The following SLC5A4 variants were observed in gnomAD, a reference collection of about 807,000 sequenced individuals.
SLC5A4 encodes probable glucose sensor protein SLC5A4.
Under a neutral mutation model 70.3 loss-of-function variants are expected in SLC5A4, and 55 were observed. The observed-to-expected ratio is 0.78, with a 90% confidence interval of 0.63 to 0.98. The LOEUF (loss-of-function observed/expected upper bound fraction) is 0.98, where lower values mean the gene tolerates loss of function less well. Ranked by LOEUF, SLC5A4 falls within the 50% of genes least tolerant of loss-of-function variation. SLC5A4 has a pLI of 0.00. For missense variants in SLC5A4, 735 were observed against 839.2 expected (o/e 0.88, Z 1.53); for synonymous variants, 268 against 305.7 (o/e 0.88, Z 1.29).
At chr22:32,307,512 G>C in the SLC5A4 span, among the ~76,000 whole-genome samples, 1 of 152,188 alleles carries the variant, frequency 6.6e-6, no homozygotes, top group Non-Finnish European at 1.5e-5. Flanking sequence ...CAAGTGGCAG[G>C]CGTTCGGCAA....
rs768043275 is a variant in SLC5A4, at chr22:32,237,243, C to T, written c.664+1G>A. 3.1e-5 allele frequency: 49 copies of T among 1,605,902 alleles called. No individual in the cohort carries two copies. Among genetic ancestry groups the T allele is most frequent in the Non-Finnish European group, 4.0e-5 (47 of 1,175,428 alleles). ...GCACTGCACGCAGGGTCATCACTTA[C>T]CAAACCCCATGAGAATAAAAGAGCC... On this transcript the variant is annotated splice_donor_variant, in intron 7 of 14. Coordinates refer to ENST00000266086, the MANE Select transcript of SLC5A4 (RefSeq NM_014227.3). LOFTEE classifies it high-confidence loss of function.
At chr22:32,232,653 T>G (rs1321710210) in intron 9 of SLC5A4, among the ~76,000 whole-genome samples, 1 of 152,000 alleles carries the variant, frequency 6.6e-6, no homozygotes, top group African/African-American at 2.4e-5. Flanking sequence ...AAGCAACTCA[T>G]GAAGACGGAA....
At chr22:32,303,560 C>T in the SLC5A4 span, among the ~76,000 whole-genome samples, 1 of 151,916 alleles carries the variant, frequency 6.6e-6, no homozygotes, top group African/African-American at 2.4e-5. Context: ...CCTTGTGGGA[C>T]AATCACAATT....
upstream of SLC5A4, among the ~76,000 whole-genome samples, chr22:32,258,420 T>G (rs530718643): frequency 6.6e-6 from 1 of 152,222 alleles, no homozygotes; most frequent in South Asian, 2.1e-4. Context: ...CCAATTAAAA[T>G]GGGCTAAAGA....
chr22:32,286,975 T>G, the SLC5A4 span, among the ~76,000 whole-genome samples: 1 of 152,088 alleles, frequency 6.6e-6, no homozygotes, highest in South Asian at 2.1e-4. Context: ...AAGATCCAGA[T>G]AGACTCAAGG....
At chr22:32,307,381 T>C in the SLC5A4 span, among the ~76,000 whole-genome samples, 1 of 152,126 alleles carries the variant, frequency 6.6e-6, no homozygotes, top group Middle Eastern at 3.2e-3. Context: ...CTTTCATGGG[T>C]GGGACTTCTG....
Position 32,224,266 on chromosome 22 carries a change from C to G in SLC5A4, c.1665+1G>C. ...GCATGTATTCATTACTCATCACTCA[C>G]ATGTACATCAGGAATGGGTTTTGTT... On this transcript the variant is annotated splice_donor_variant, in intron 13 of 14. Coordinates refer to ENST00000266086, the MANE Select transcript of SLC5A4 (RefSeq NM_014227.3). LOFTEE classifies it high-confidence loss of function. The G allele has an allele frequency of 6.2e-7, 1 of 1,604,358 alleles. No homozygotes were observed. Among genetic ancestry groups the G allele is most frequent in the Non-Finnish European group, 8.5e-7 (1 of 1,171,252 alleles).
chr22:32,255,147 C>G (rs779067529), intron 1 of SLC5A4, 48 bp downstream of exon 1: 2 of 1,576,604 alleles, frequency 1.3e-6, no homozygotes, highest in Admixed American at 1.7e-5. Flanking sequence ...TAAGATACCC[C>G]CTCCTAAACC....
the SLC5A4 span, among the ~76,000 whole-genome samples, chr22:32,292,939 T>A: frequency 1.3e-5 from 2 of 152,178 alleles, no homozygotes; most frequent in East Asian, 1.9e-4. Context: ...CTATACATAT[T>A]TTGAGGTTAT....
chr22:32,352,757 C>A, the SLC5A4 span, among the ~76,000 whole-genome samples: 1 of 152,264 alleles, frequency 6.6e-6, no homozygotes, highest in African/African-American at 2.4e-5. Flanking sequence ...TCACCCTCAA[C>A]GCACAGGCCC....
At chr22:32,297,139 G>C in the SLC5A4 span, among the ~76,000 whole-genome samples, 2 of 151,978 alleles carry the variant, frequency 1.3e-5, no homozygotes, top group Non-Finnish European at 1.5e-5. Flanking sequence ...TCTCTGCCTG[G>C]CTTTGGTATC....
chr22:32,311,080 T>C, the SLC5A4 span, among the ~76,000 whole-genome samples: 1 of 152,218 alleles, frequency 6.6e-6, no homozygotes, highest in Non-Finnish European at 1.5e-5. Context: ...CTGTGTGTCA[T>C]TCAAATCTGG....
the SLC5A4 span, among the ~76,000 whole-genome samples, chr22:32,312,741 TAGA>T: frequency 6.6e-6 from 1 of 152,078 alleles, no homozygotes; most frequent in Admixed American, 6.6e-5. Context: ...GGCATCTCTG[TAGA>T]AGTTGTCCTT....
chr22:32,250,586 C>G (rs541165525), intron 3 of SLC5A4, among the ~76,000 whole-genome samples: 45 of 152,180 alleles, frequency 3.0e-4, no homozygotes, highest in Non-Finnish European at 1.6e-4. Flanking sequence ...ACCATTTGAC[C>G]CATCAATCCC....
At chr22:32,350,364 A>G in the SLC5A4 span, among the ~76,000 whole-genome samples, 1 of 152,216 alleles carries the variant, frequency 6.6e-6, no homozygotes, top group Non-Finnish European at 1.5e-5. Flanking sequence ...GTCTGCTAAC[A>G]CTACGCCCAG....
intron 6 of SLC5A4, among the ~76,000 whole-genome samples, chr22:32,238,763 C>G (rs1407112011): frequency 1.3e-5 from 2 of 152,290 alleles, no homozygotes; most frequent in South Asian, 2.1e-4. Flanking sequence ...CTACCCCATC[C>G]CCCACATAAT....
At chr22:32,342,419 G>A in the SLC5A4 span, among the ~76,000 whole-genome samples, 314 of 151,976 alleles carry the variant, frequency 2.1e-3, 7 homozygotes, top group Admixed American at 0.018. Context: ...AATGAGACCT[G>A]GTAGATATAA....
the SLC5A4 span, among the ~76,000 whole-genome samples, chr22:32,332,026 T>C: frequency 5.9e-5 from 9 of 152,020 alleles, no homozygotes; most frequent in Non-Finnish European, 1.3e-4. Context: ...CCCACCTCCT[T>C]CTCAGCCCCC....
upstream of SLC5A4, among the ~76,000 whole-genome samples, chr22:32,257,527 AT>A (rs1397409632): frequency 6.6e-6 from 1 of 151,868 alleles, no homozygotes; most frequent in Middle Eastern, 3.4e-3. Flanking sequence ...GGCTAACTTC[AT>A]TTTTTTAGAG....
Sources: gnomAD v4.1 joint callset for allele counts (sites outside exome capture counted in the v4.1 genomes callset) on GRCh38, gnomAD v4.1.1 for gene constraint, MANE v1.5 for transcripts, NCBI Gene and HGNC (gene_info 2026-07-23, HGNC 2026-07-21) for gene names.